Variants in UBE3B observed in about 807,000 individuals in gnomAD.
UBE3B encodes the protein ubiquitin-protein ligase E3B.
A neutral mutation model predicts 132.3 loss-of-function variants in UBE3B; 80 were observed. The observed-to-expected ratio is 0.60, with a 90% CI of 0.50 to 0.73. The LOEUF is 0.73. Among genes scored for constraint, UBE3B ranks in the 30% least tolerant of loss-of-function variants. UBE3B has a pLI of 0.00. For missense variants in UBE3B, 1,196 were observed against 1,362.5 expected (o/e 0.88, Z 1.92); for synonymous variants, 487 against 520.4 (o/e 0.94, Z 0.87).
rs201336062 is a variant in UBE3B, at chr12:109,486,580, C to CAAAAAAAAAA, written c.447+19_447+28dup. 3.6e-4 allele frequency: 201 copies of CAAAAAAAAAA among 562,648 alleles called. No homozygotes were observed. The highest frequency in any genetic ancestry group is 7.7e-4 in the Admixed American group (16 of 20,850). The allele number at this position is 562,648 out of a possible 1,614,324, so 34.9% of individuals were successfully genotyped here. A position where few individuals can be genotyped will look rare whatever the true frequency, so the allele number is the denominator to read the frequency against. On this transcript the variant is annotated splice_donor_region_variant and intron_variant, in intron 6 of 27. Coordinates refer to ENST00000342494, the MANE Select transcript of UBE3B (RefSeq NM_130466.4). ...GATTTTCTCAAGCAGCTCAAGGTAA[C>CAAAAAAAAAA]AAAAAAAAAAAAAAAAAAAAAAAGC...
chr12:109,532,028 C>T (rs1566116977), intron 26 of UBE3B, among the ~76,000 whole-genome samples: 1 of 152,138 alleles, frequency 6.6e-6, no homozygotes, highest in Non-Finnish European at 1.5e-5. Flanking sequence ...GTGACCACGA[C>T]CATGCTTCTC....
chr12:109,503,557 C>A (rs184501627), intron 14 of UBE3B, among the ~76,000 whole-genome samples: 1 of 152,144 alleles, frequency 6.6e-6, no homozygotes, highest in East Asian at 1.9e-4. Flanking sequence ...CCTGAGTGTA[C>A]TGCACATATA....
chr12:109,519,217 A>G (rs1881414005), intron 19 of UBE3B, among the ~76,000 whole-genome samples: 2 of 152,202 alleles, frequency 1.3e-5, no homozygotes, highest in Non-Finnish European at 2.9e-5. Context: ...GATATCAGTG[A>G]TAGAGCTGGG....
rs1881884772 is a variant in UBE3B, at chr12:109,522,977, G to A, written c.2365-1001G>A. On this transcript the variant is annotated intron_variant, in intron 21 of 27. Coordinates refer to ENST00000342494, the MANE Select transcript of UBE3B (RefSeq NM_130466.4). This position sits in a 1 kb window ranked among gnomAD's most constrained non-coding sequence, Gnocchi z 4.2. ...ACACTCAGAAGAGCCTGGGCCACCT[G>A]GAAAGCATGGCCTCCTGGCTTCTCT... 1.3e-5 allele frequency among the ~76,000 whole-genome samples: 2 copies of A among 152,208 alleles called. No homozygotes were observed. The highest frequency in any genetic ancestry group is 2.9e-5 in the Non-Finnish European group (2 of 68,034).
chr12:109,526,650 A>G (rs1410184761), intron 24 of UBE3B, among the ~76,000 whole-genome samples: 1 of 152,126 alleles, frequency 6.6e-6, no homozygotes, highest in Non-Finnish European at 1.5e-5. Flanking sequence ...AGGCGGGCGG[A>G]TCACGAGGTC....
chr12:109,492,001 A>G (rs960934028), intron 9 of UBE3B: 3 of 152,222 alleles, frequency 2.0e-5, no homozygotes, highest in Admixed American at 6.5e-5. Flanking sequence ...GGGCTAGAGC[A>G]TGGGTTGGCC....
intron 24 of UBE3B, among the ~76,000 whole-genome samples, chr12:109,528,718 G>A: frequency 6.6e-6 from 1 of 152,060 alleles, no homozygotes; most frequent in East Asian, 1.9e-4. Context: ...GCTGGACATG[G>A]TGGCAGGCGC....
At chr12:109,544,990 C>G in the UBE3B span, among the ~76,000 whole-genome samples, 1 of 152,324 alleles carries the variant, frequency 6.6e-6, no homozygotes, top group Non-Finnish European at 1.5e-5. Context: ...GAGTGACTTG[C>G]CCAGGGACTC....
downstream of UBE3B, among the ~76,000 whole-genome samples, chr12:109,537,897 G>A (rs1010921144): frequency 6.6e-6 from 1 of 152,024 alleles, no homozygotes; most frequent in Non-Finnish European, 1.5e-5. Context: ...GGAGAGACAG[G>A]GTTTCACCGT....
intron 5 of UBE3B, among the ~76,000 whole-genome samples, 175 bp downstream of exon 5, chr12:109,486,246 T>A (rs1198757355): frequency 2.0e-5 from 3 of 152,228 alleles, no homozygotes; most frequent in Non-Finnish European, 2.9e-5. Flanking sequence ...TCCAGGTAGC[T>A]ACGTTCTGCT....
the UBE3B span, among the ~76,000 whole-genome samples, chr12:109,546,359 C>T: frequency 6.6e-6 from 1 of 152,174 alleles, no homozygotes; most frequent in Non-Finnish European, 1.5e-5. Context: ...CTTTATCAGC[C>T]AGGGCAACAG....
intron 6 of UBE3B, among the ~76,000 whole-genome samples, chr12:109,487,016 C>G (rs1876616915): frequency 6.6e-6 from 1 of 152,194 alleles, no homozygotes; most frequent in African/African-American, 2.4e-5. Flanking sequence ...CTGATTCTCC[C>G]TCTCATTCTT....
rs1042003888 is a variant in UBE3B at position 109,522,195 on chromosome 12, G to A, written c.2364+644G>A. Among the ~76,000 whole-genome samples the A allele has an allele frequency of 2.0e-5, 3 of 152,130 alleles. No homozygotes were observed. The highest frequency in any genetic ancestry group is 4.4e-5 in the Non-Finnish European group (3 of 68,030). On this transcript the variant is annotated intron_variant, in intron 21 of 27. Transcript: ENST00000342494. The surrounding 1 kb of genome is among the most constrained non-coding windows in gnomAD (Gnocchi z 4.2). The stretch of plus-strand genomic sequence containing the variant: ...ATGGTAAGTGAGGAGGGCCTTCTAC[G>A]GTGCCCAGCCAGCTGCTCACACCAG...
chr12:109,528,775 A>G (rs2136116981), intron 24 of UBE3B, among the ~76,000 whole-genome samples: 1 of 152,082 alleles, frequency 6.6e-6, no homozygotes, highest in Admixed American at 6.6e-5. Flanking sequence ...ACTTGAACCC[A>G]GGAGGCAGAG....
chr12:109,488,665 A>G lies in UBE3B; in HGVS notation c.541A>G (p.Lys181Glu), dbSNP rs760512064. The part of the protein sequence containing the change: ...DTSTWKILRG[K>E]GESLRPAMNH... Reference sequence around the variant, plus strand: ...TTCAACGTGGAAAATTCTTCGGGGAAAAGGTCTGTGGGACTTGCTTCAAAA... The same window carrying G: ...TTCAACGTGGAAAATTCTTCGGGGAGAAGGTCTGTGGGACTTGCTTCAAAA... Residue 181 changes from lysine to glutamate, a missense_variant, in exon 7 of 28, where the codon AAA becomes GAA. Transcript: ENST00000342494. 6.2e-7 allele frequency: 1 copy of G among 1,613,830 alleles called. No homozygotes were observed. The highest frequency in any genetic ancestry group is 1.1e-5 in the South Asian group (1 of 91,076).
chr12:109,491,058 G>A lies in UBE3B; in HGVS notation c.644G>A (p.Arg215His), dbSNP rs141861530. ...FYSVLQILLT[R>H]GLARPRPCLS... The stretch of plus-strand genomic sequence containing the variant: ...CATTCTTTTCAGATATTGTTAACCC[G>A]TGGCCTGGCAAGACCCCGTCCTTGT... Residue 215 changes from arginine (R) to histidine (H), a missense_variant, in exon 9 of 28, where the codon CGT becomes CAT. By Grantham distance (29) the Arg-to-His change is conservative. Coordinates refer to ENST00000342494, the MANE Select transcript of UBE3B (RefSeq NM_130466.4). 3.8e-5 allele frequency: 61 copies of A among 1,613,432 alleles called. No homozygotes were observed. The highest frequency in any genetic ancestry group is 1.9e-4 in the African/African-American group (14 of 75,002).
chr12:109,543,417 G>A, the UBE3B span, among the ~76,000 whole-genome samples: 1 of 152,218 alleles, frequency 6.6e-6, no homozygotes, highest in African/African-American at 2.4e-5. Flanking sequence ...AGGCCCTAAC[G>A]GTTTGGGGTT....
In UBE3B at chr12:109,486,580, C is replaced by CAAAAAA. The variant is rs201336062; in HGVS notation, c.447+23_447+28dup. On this transcript the variant is annotated splice_donor_region_variant and intron_variant, in intron 6 of 27. Coordinates refer to ENST00000342494, the MANE Select transcript of UBE3B (RefSeq NM_130466.4). ...GATTTTCTCAAGCAGCTCAAGGTAA[C>CAAAAAA]AAAAAAAAAAAAAAAAAAAAAAAGC... The CAAAAAA allele has an allele frequency of 1.8e-4, 100 of 562,694 alleles. No homozygotes were observed. Among genetic ancestry groups the CAAAAAA allele is most frequent in the African/African-American group, 6.3e-4 (22 of 34,966 alleles). 34.9% of individuals were successfully genotyped at this position (562,694 alleles called of 1,614,324 possible).
At chr12:109,483,769 A>G (rs539907300) in intron 3 of UBE3B, 57 bp downstream of exon 3, 3 of 1,578,714 alleles carry the variant, frequency 1.9e-6, no homozygotes, top group African/African-American at 2.7e-5. Context: ...AATAGCAGAT[A>G]AATGAGTTTT....
Sources: allele counts gnomAD v4.1 joint callset (sites outside exome capture counted in the v4.1 genomes callset), GRCh38; gene constraint gnomAD v4.1.1; non-coding constraint Gnocchi (gnomAD v3.1); transcripts MANE v1.5; gene names NCBI Gene and HGNC (gene_info 2026-07-23, HGNC 2026-07-21).